Variants in CDH13 observed in about 807,000 individuals in gnomAD.
CDH13 encodes cadherin-13.
CDH13 carries 24 observed loss-of-function variants against 63.8 expected under a neutral mutation model. The ratio of observed to expected loss-of-function variants is 0.38; its 90% CI spans 0.27 to 0.53. The LOEUF is 0.53. Ranked by LOEUF, CDH13 falls within the 20% of genes least tolerant of loss-of-function variation. CDH13 has a pLI of 0.85. For missense variants in CDH13, 1,049 were observed against 903.1 expected (o/e 1.16, Z -2.07); for synonymous variants, 503 against 355.3 (o/e 1.42, Z -4.67).
intron 8 of CDH13, among the ~76,000 whole-genome samples, chr16:83,660,099 T>C (rs1292684298): frequency 6.6e-6 from 1 of 152,036 alleles, no homozygotes; most frequent in Non-Finnish European, 1.5e-5. Context: ...TCCACAACCT[T>C]TTTGGCACCA....
At chr16:82,939,340 T>C (rs931825346) in intron 2 of CDH13, among the ~76,000 whole-genome samples, 1 of 151,992 alleles carries the variant, frequency 6.6e-6, no homozygotes, top group African/African-American at 2.4e-5. Flanking sequence ...GAAGGAATGC[T>C]TGAGCCAGGG....
intron 8 of CDH13, among the ~76,000 whole-genome samples, chr16:83,663,327 G>A (rs920331434): frequency 6.6e-6 from 1 of 152,126 alleles, no homozygotes; most frequent in Non-Finnish European, 1.5e-5. Context: ...GGCACCCTGA[G>A]CTATATCTAC....
At chr16:82,938,787 A>G (rs1398317302) in intron 2 of CDH13, among the ~76,000 whole-genome samples, 1 of 152,244 alleles carries the variant, frequency 6.6e-6, no homozygotes, top group Non-Finnish European at 1.5e-5. Flanking sequence ...TTAATCCTGT[A>G]AGAAAACTCT....
At chr16:83,601,236 A>T (rs2150749235) in intron 7 of CDH13, among the ~76,000 whole-genome samples, 1 of 152,292 alleles carries the variant, frequency 6.6e-6, no homozygotes, top group African/African-American at 2.4e-5. Context: ...TTACCAGATG[A>T]ATGGTATGAT....
Position 82,661,354 on chromosome 16 carries a change from G to T in CDH13, c.45+34217G>T, listed in dbSNP as rs62040567. On this transcript the variant is annotated intron_variant, in intron 1 of 13. Transcript: ENST00000567109. ...CCTAGGGATGGGGTGGAACAGATAG[G>T]AACGGGTAATTGACAGACATTAAGA... is the stretch of plus-strand genomic sequence containing the variant. Among the ~76,000 whole-genome samples, 1,220 of 152,322 alleles carry T rather than the reference G, an allele frequency of 8.0e-3. 9 individuals are homozygous for T. The highest frequency in any genetic ancestry group is 0.039 in the South Asian group (188 of 4,822).
At chr16:83,216,734 G>C (rs567383403) in intron 4 of CDH13, among the ~76,000 whole-genome samples, 124 of 147,118 alleles carry the variant, frequency 8.4e-4, no homozygotes, top group Non-Finnish European at 1.6e-3. Context: ...TTAATATATA[G>C]GGGTTTGATA....
At chr16:82,930,042 T>C (rs1260860847) in intron 2 of CDH13, among the ~76,000 whole-genome samples, 2 of 143,742 alleles carry the variant, frequency 1.4e-5, no homozygotes, top group Admixed American at 1.4e-4. Flanking sequence ...TTTGTCTCTT[T>C]TTTTTTTTTT....
At chr16:83,685,163 A>G (rs1904293364) in intron 10 of CDH13, among the ~76,000 whole-genome samples, 1 of 152,098 alleles carries the variant, frequency 6.6e-6, no homozygotes, top group Non-Finnish European at 1.5e-5. Flanking sequence ...TTATTGGCCA[A>G]AATTGGTCAC....
Position 83,795,092 on chromosome 16 carries a change from T to G in CDH13, c.*62T>G. ...CATAGCAACAGGAAAAAAAAAAATC[T>G]ATCCAAATCTGAAGATTGCGGTTTA... is the stretch of plus-strand genomic sequence containing the variant. On this transcript the variant is annotated 3_prime_UTR_variant, in exon 14 of 14. Coordinates refer to ENST00000567109, the MANE Select transcript of CDH13 (RefSeq NM_001257.5). 7.1e-7 allele frequency: 1 copy of G among 1,410,738 alleles called. No individual in the cohort carries two copies. Among genetic ancestry groups the G allele is most frequent in the Non-Finnish European group, 9.7e-7 (1 of 1,028,262 alleles). The allele number at this position is 1,410,738 out of a possible 1,614,324, so 87.4% of individuals were successfully genotyped here.
chr16:83,393,648 T>A (rs2091829667), intron 6 of CDH13, among the ~76,000 whole-genome samples: 1 of 152,186 alleles, frequency 6.6e-6, no homozygotes, highest in Non-Finnish European at 1.5e-5. Context: ...ATCGAATCAA[T>A]CATTCATTCA....
At chr16:83,692,347 A>C (rs142989704) in intron 10 of CDH13, among the ~76,000 whole-genome samples, 16 of 152,268 alleles carry the variant, frequency 1.1e-4, no homozygotes, top group Non-Finnish European at 1.8e-4. Context: ...TCAAGGTTGC[A>C]GGAGGTCCCT....
intron 4 of CDH13, among the ~76,000 whole-genome samples, chr16:83,140,346 T>C (rs2036477638): frequency 6.6e-6 from 1 of 152,256 alleles, no homozygotes; most frequent in African/African-American, 2.4e-5. Flanking sequence ...ACACGTGGTA[T>C]GGCAGACCAT....
At position 83,151,358 on chromosome 16, in the gene CDH13, G is replaced by T. The variant is rs186571502; in HGVS notation, c.483+25857G>T. Among the ~76,000 whole-genome samples the T allele has an allele frequency of 5.5e-4, 84 of 152,254 alleles. No individual in the cohort carries two copies. The East Asian group carries it at 0.011, about 21-fold the overall frequency. ...TTAACATATTTGTGCTGCTTCTTCTGTCTTCTCTGTGCCCCTCTTCCCATC... is the reference window on the plus strand; with the variant it reads ...TTAACATATTTGTGCTGCTTCTTCTTTCTTCTCTGTGCCCCTCTTCCCATC... On this transcript the variant is annotated intron_variant, in intron 4 of 13. Transcript: ENST00000567109.
intron 8 of CDH13, among the ~76,000 whole-genome samples, chr16:83,663,805 T>A (rs1913671291): frequency 6.6e-6 from 1 of 152,114 alleles, no homozygotes; most frequent in Admixed American, 6.5e-5. Flanking sequence ...AAAAATCAAG[T>A]CTCTGACACC....
chr16:83,105,701 T>C (rs546432984), intron 3 of CDH13, among the ~76,000 whole-genome samples: 24 of 152,190 alleles, frequency 1.6e-4, no homozygotes, highest in African/African-American at 5.5e-4. Context: ...TAATGGGACC[T>C]GGCAGATGAA....
chr16:82,989,519 G>C (rs1911385980), intron 2 of CDH13, among the ~76,000 whole-genome samples: 1 of 152,148 alleles, frequency 6.6e-6, no homozygotes, highest in African/African-American at 2.4e-5. Flanking sequence ...GGTGCCTGAA[G>C]GCTGGGAATC....
At chr16:82,887,293 G>A (rs371197417) in intron 2 of CDH13, among the ~76,000 whole-genome samples, 195 of 152,338 alleles carry the variant, frequency 1.3e-3, no homozygotes, top group African/African-American at 4.5e-3. Flanking sequence ...TTTGGCCCAG[G>A]AGTTTGCTGA....
intron 7 of CDH13, among the ~76,000 whole-genome samples, chr16:83,595,220 G>C (rs1907141746): frequency 6.6e-6 from 1 of 152,220 alleles, no homozygotes; most frequent in Non-Finnish European, 1.5e-5. Context: ...GTTCCGCAAA[G>C]TATAAGTCAT....
intron 10 of CDH13, among the ~76,000 whole-genome samples, chr16:83,723,952 T>G (rs1910024642): frequency 6.6e-6 from 1 of 152,172 alleles, no homozygotes; most frequent in African/African-American, 2.4e-5. Context: ...GGATGAGTGA[T>G]GAATGCCTGG....
Sources: allele counts gnomAD v4.1 joint callset (sites outside exome capture counted in the v4.1 genomes callset), GRCh38; gene constraint gnomAD v4.1.1; transcripts MANE v1.5; gene names NCBI Gene and HGNC (gene_info 2026-07-23, HGNC 2026-07-21).